Variants in POC1B observed in about 807,000 individuals in gnomAD.
POC1B encodes POC1 centriolar protein homolog B.
POC1B carries 44 observed loss-of-function variants against 60.6 expected under a neutral mutation model. The observed-to-expected ratio is 0.73, with a 90% confidence interval of 0.57 to 0.93. The LOEUF (loss-of-function observed/expected upper bound fraction) is 0.93, where lower values mean the gene tolerates loss of function less well. Among genes scored for constraint, POC1B ranks in the 40% least tolerant of loss-of-function variants. POC1B has a pLI of 0.00. For missense variants in POC1B, 555 were observed against 572.3 expected, an observed-to-expected ratio of 0.97 and a Z score of 0.31; for synonymous variants, 180 against 198.9, an observed-to-expected ratio of 0.90 and a Z score of 0.80.
intron 4 of POC1B, among the ~76,000 whole-genome samples, chr12:89,487,235 A>G (rs768827079): frequency 2.0e-5 from 3 of 152,100 alleles, no homozygotes; most frequent in African/African-American, 7.2e-5. Flanking sequence ...GGAACTGGAG[A>G]TAGGGCCACT....
At chr12:89,520,188 C>T (rs1449399076) in intron 2 of POC1B, 2 of 152,042 alleles carry the variant, frequency 1.3e-5, no homozygotes, top group South Asian at 2.1e-4. Context: ...AAAATCTCTT[C>T]CTAAAAGATT....
intron 2 of POC1B, chr12:89,500,209 A>C: frequency 1.3e-6 from 2 of 1,597,674 alleles, no homozygotes; most frequent in South Asian, 1.1e-5. Flanking sequence ...AAATCTTACA[A>C]GACTGTTTTG....
At chr12:89,509,340 T>C (rs1199047283) in intron 2 of POC1B, among the ~76,000 whole-genome samples, 1 of 152,224 alleles carries the variant, frequency 6.6e-6, no homozygotes, top group African/African-American at 2.4e-5. Context: ...GTCCTTTTGA[T>C]ATATTTCCAT....
intron 2 of POC1B, among the ~76,000 whole-genome samples, chr12:89,509,791 C>T (rs1014381990): frequency 9.9e-5 from 15 of 152,154 alleles, no homozygotes; most frequent in African/African-American, 3.6e-4. Context: ...ACAGTAGTTT[C>T]AGAATCATGG....
chr12:89,466,975 T>C, intron 8 of POC1B, 53 bp from the exon 9 acceptor site: 3 of 1,507,178 alleles, frequency 2.0e-6, no homozygotes, highest in African/African-American at 1.4e-5. Flanking sequence ...GTACAAGCAA[T>C]AGAGCTGATT....
chr12:89,421,486 T>C (rs1247530249), intron 11 of POC1B, among the ~76,000 whole-genome samples: 4 of 152,122 alleles, frequency 2.6e-5, no homozygotes, highest in Non-Finnish European at 5.9e-5. Context: ...CCCAAACTGA[T>C]GTGTTTGAGA....
At chr12:89,421,289 T>C in intron 11 of POC1B, 32 bp from the exon 12 acceptor site, 1 of 1,507,644 alleles carries the variant, frequency 6.6e-7, no homozygotes, top group Non-Finnish European at 9.1e-7. Context: ...AATCAATGCC[T>C]GGTCCTCTGG....
intron 11 of POC1B, among the ~76,000 whole-genome samples, chr12:89,423,186 CTGT>C (rs1048171951): frequency 2.6e-5 from 4 of 152,110 alleles, no homozygotes; most frequent in Admixed American, 2.0e-4. Flanking sequence ...CTTGTTGTTG[CTGT>C]TGTTGTTGTT....
At chr12:89,406,653 T>C in the POC1B span, among the ~76,000 whole-genome samples, 2 of 152,096 alleles carry the variant, frequency 1.3e-5, no homozygotes, top group South Asian at 4.2e-4. Context: ...TGCAAGAGCA[T>C]GAGAGCTGTG....
At chr12:89,506,910 TA>T (rs1229887329) in intron 2 of POC1B, among the ~76,000 whole-genome samples, 2 of 152,062 alleles carry the variant, frequency 1.3e-5, no homozygotes, top group Middle Eastern at 3.2e-3. Flanking sequence ...ATACTTAAAA[TA>T]TTCCTAACAT....
Position 89,472,252 on chromosome 12 carries a change from A to G in POC1B, c.476T>C (p.Ile159Thr). 6.2e-7 allele frequency: 1 copy of G among 1,602,524 alleles called. No homozygotes were observed. Among genetic ancestry groups the G allele is most frequent in the Non-Finnish European group, 8.5e-7 (1 of 1,172,784 alleles). Residue 159 changes from isoleucine to threonine, a missense_variant, in exon 5 of 12, where the codon ATT becomes ACT. Ile to Thr is a moderately conservative substitution (Grantham distance 89, BLOSUM62 -1). Transcript: ENST00000313546. The part of the protein sequence containing the change: ...CAKFSPDGRL[I>T]VSCSEDKTIK... Reference sequence around the variant, plus strand: ...AGTTTTATCCTCACTACATGACACAATTAGTCTTCCATCGGGTGAAAATCT... The same window carrying G: ...AGTTTTATCCTCACTACATGACACAGTTAGTCTTCCATCGGGTGAAAATCT...
chr12:89,472,061 C>T, intron 5 of POC1B, 107 bp downstream of exon 5: 5 of 821,036 alleles, frequency 6.1e-6, no homozygotes, highest in Non-Finnish European at 9.6e-6. Context: ...AGCCACTGCA[C>T]CCGGCCATAT....
At chr12:89,470,670 A>C (rs1459233214) in intron 6 of POC1B, among the ~76,000 whole-genome samples, 176 bp from the exon 7 acceptor site, 1 of 152,240 alleles carries the variant, frequency 6.6e-6, no homozygotes, top group Non-Finnish European at 1.5e-5. Flanking sequence ...GCTTCCAGTT[A>C]GAGAGCCAGA....
At chr12:89,498,321 A>G (rs1006102247) in intron 2 of POC1B, among the ~76,000 whole-genome samples, 12 of 152,246 alleles carry the variant, frequency 7.9e-5, no homozygotes, top group Admixed American at 4.6e-4. Context: ...CAAAGAATGA[A>G]CAAATAAACA....
intron 9 of POC1B, among the ~76,000 whole-genome samples, chr12:89,464,016 T>C (rs915140704): frequency 2.6e-5 from 4 of 152,176 alleles, no homozygotes; most frequent in African/African-American, 9.7e-5. Context: ...CATAAAAATG[T>C]TATCTCGTTT....
chr12:89,476,502 G>A (rs796208321), intron 4 of POC1B, among the ~76,000 whole-genome samples: 17 of 152,260 alleles, frequency 1.1e-4, no homozygotes, highest in African/African-American at 4.1e-4. Context: ...GAGGCCATCA[G>A]TTTGAGACAA....
intron 10 of POC1B, among the ~76,000 whole-genome samples, chr12:89,453,178 C>T (rs143630267): frequency 4.6e-5 from 7 of 152,210 alleles, no homozygotes; most frequent in African/African-American, 1.7e-4. Context: ...CACTTAATTT[C>T]GAAGGGGAAT....
chr12:89,492,878 C>A (rs2135738906), intron 3 of POC1B, among the ~76,000 whole-genome samples: 1 of 152,152 alleles, frequency 6.6e-6, no homozygotes, highest in Non-Finnish European at 1.5e-5. Context: ...ATATCCTCAA[C>A]ATCCTTCACC....
At chr12:89,452,764 T>G (rs1029216508) in intron 10 of POC1B, among the ~76,000 whole-genome samples, 1 of 152,170 alleles carries the variant, frequency 6.6e-6, no homozygotes, top group Non-Finnish European at 1.5e-5. Flanking sequence ...TTAGTAAACT[T>G]TACAGCTATA....
Sources: gnomAD v4.1 joint callset for allele counts (sites outside exome capture counted in the v4.1 genomes callset) on GRCh38, gnomAD v4.1.1 for gene constraint, MANE v1.5 for transcripts, NCBI Gene and HGNC (gene_info 2026-07-23, HGNC 2026-07-21) for gene names.